The following FGFR3 variants were observed in gnomAD, a reference collection of about 807,000 sequenced individuals.
FGFR3 encodes FGFR-3.
A neutral mutation model predicts 82.9 loss-of-function variants in FGFR3; 25 were observed. The ratio of observed to expected loss-of-function variants is 0.30; its 90% CI spans 0.22 to 0.42. FGFR3 has a LOEUF of 0.42. Ranked by LOEUF, FGFR3 falls within the 10% of genes least tolerant of loss-of-function variation. The pLI, the probability that FGFR3 is intolerant of heterozygous loss-of-function variation, is 1.00. For missense variants in FGFR3, 1,026 were observed against 1,161.0 expected, an observed-to-expected ratio of 0.88 and a Z score of 1.69; for synonymous variants, 620 against 516.0, an observed-to-expected ratio of 1.20 and a Z score of -2.73.
Position 1,801,611 on chromosome 4 carries a change from C to T in FGFR3, c.616-9C>T. ...CTCCGCTCACTCACCCGCCCGCGTC[C>T]CGGTGCAGCTGCGGCATCAGCAGTG... is the stretch of plus-strand genomic sequence containing the variant. On this transcript the variant is annotated splice_polypyrimidine_tract_variant and intron_variant, in intron 5 of 17. Transcript: ENST00000440486. 1.2e-6 allele frequency: 2 copies of T among 1,606,458 alleles called. No homozygotes were observed. Among genetic ancestry groups the T allele is most frequent in the Non-Finnish European group, 1.7e-6 (2 of 1,177,510 alleles).
At chr4:1,797,653 T>C (rs1183326282) in intron 2 of FGFR3, among the ~76,000 whole-genome samples, 4 of 152,112 alleles carry the variant, frequency 2.6e-5, no homozygotes, top group African/African-American at 9.7e-5. Context: ...AGCTCCCAGC[T>C]CTGGGTGGTC....
chr4:1,806,531 C>T lies in FGFR3; in HGVS notation c.2031-15C>T, dbSNP rs1482309759. The T allele has an allele frequency of 1.9e-6, 3 of 1,612,936 alleles. No homozygotes were observed. The highest frequency in any genetic ancestry group is 2.5e-6 in the Non-Finnish European group (3 of 1,179,956). On this transcript the variant is annotated splice_polypyrimidine_tract_variant and intron_variant, in intron 15 of 17. Coordinates refer to ENST00000440486, the MANE Select transcript of FGFR3 (RefSeq NM_000142.5). The stretch of plus-strand genomic sequence containing the variant: ...TGGGAGTCTCAGGACAGCCTGACCT[C>T]ACCTTCCCCTGCAGCTGGTCCTTTG...
intron 2 of FGFR3, among the ~76,000 whole-genome samples, chr4:1,798,501 A>G (rs1264069932): frequency 6.6e-5 from 10 of 151,300 alleles, no homozygotes; most frequent in African/African-American, 2.2e-4. Flanking sequence ...TAGGAGCTGC[A>G]GGATACAGAA....
chr4:1,801,922 AG>A lies in FGFR3; in HGVS notation c.829del (p.Val277CysfsTer17), dbSNP rs748608773. 6.2e-7 allele frequency: 1 copy of A among 1,612,516 alleles called. No individual in the cohort carries two copies. The highest frequency in any genetic ancestry group is 8.5e-7 in the Non-Finnish European group (1 of 1,179,824). On this transcript the variant is annotated frameshift_variant, in exon 7 of 18. Transcript: ENST00000440486. LOFTEE classifies it high-confidence loss of function. Reference sequence around the variant, plus strand: ...GGCAGCGACGTGGAGTTCCACTGCAAGGTGTACAGTGACGCACAGCCCCACA... The same window carrying A: ...GGCAGCGACGTGGAGTTCCACTGCAAGTGTACAGTGACGCACAGCCCCACA... The part of the protein sequence containing the change: ...VLGSDVEFHC[K>X]VYSDAQPHIQ...
chr4:1,805,158 GTC>G (rs1193664404), intron 10 of FGFR3, among the ~76,000 whole-genome samples, 189 bp downstream of exon 10: 1 of 152,276 alleles, frequency 6.6e-6, no homozygotes, highest in Non-Finnish European at 1.5e-5. Flanking sequence ...AAGGTGCCCT[GTC>G]TGGAGGGGCA....
intron 2 of FGFR3, among the ~76,000 whole-genome samples, chr4:1,794,960 T>G (rs1202665909): frequency 6.6e-6 from 1 of 151,540 alleles, no homozygotes; most frequent in Non-Finnish European, 1.5e-5. Flanking sequence ...AGACCGCGCA[T>G]TGATGGCGGC....
At chr4:1,798,694 CAT>C (rs1459486411) in intron 2 of FGFR3, among the ~76,000 whole-genome samples, 1 of 152,122 alleles carries the variant, frequency 6.6e-6, no homozygotes, top group Non-Finnish European at 1.5e-5. Flanking sequence ...TTTTCAGGCT[CAT>C]ATGGGGTGCG....
intron 7 of FGFR3, among the ~76,000 whole-genome samples, chr4:1,803,307 C>T (rs552598438): frequency 1.1e-4 from 16 of 152,244 alleles, no homozygotes; most frequent in African/African-American, 2.2e-4. Context: ...CGGTGCCCAC[C>T]GGGCCGGCTC....
At position 1,799,234 on chromosome 4, in the gene FGFR3, GT is replaced by G; in HGVS notation, c.110-18del. On this transcript the variant is annotated intron_variant, in intron 2 of 17. Coordinates refer to ENST00000440486, the MANE Select transcript of FGFR3 (RefSeq NM_000142.5). ...CGGGTTTGGGGGTGCCTGCCTCATG[GT>G]TGCCCATCTTCCCCACAGAAGTCCC... 1 of 1,611,880 alleles carries G rather than the reference GT, an allele frequency of 6.2e-7. No homozygotes were observed. The highest frequency in any genetic ancestry group is 1.1e-5 in the South Asian group (1 of 91,036).
At chr4:1,805,993 C>G (rs1721863102) in intron 13 of FGFR3, 53 bp downstream of exon 13, 2 of 1,610,912 alleles carry the variant, frequency 1.2e-6, no homozygotes, top group Non-Finnish European at 1.7e-6. Flanking sequence ...CCCTGAGATG[C>G]TGGGAGCAGC....
intron 2 of FGFR3, among the ~76,000 whole-genome samples, chr4:1,795,276 G>T (rs1323123499): frequency 6.6e-6 from 1 of 152,082 alleles, no homozygotes; most frequent in South Asian, 2.1e-4. Context: ...CTTGGCTTTC[G>T]CATTCTCATT....
chr4:1,803,129 C>T (rs1326121144), intron 7 of FGFR3: 2 of 1,435,114 alleles, frequency 1.4e-6, no homozygotes, highest in Non-Finnish European at 1.8e-6. Context: ...GCCGCGCGCC[C>T]TGCACGCCCC....
At chr4:1,800,610 A>G (rs1299503963) in intron 4 of FGFR3, among the ~76,000 whole-genome samples, 1 of 152,098 alleles carries the variant, frequency 6.6e-6, no homozygotes, top group African/African-American at 2.4e-5. Flanking sequence ...GCCTCTTTCC[A>G]GCCTGTGTCC....
At position 1,807,412 on chromosome 4, in the gene FGFR3, T is replaced by C. The variant is rs1326104796; in HGVS notation, c.*150T>C. On this transcript the variant is annotated 3_prime_UTR_variant, in exon 18 of 18. Transcript: ENST00000440486. ...GTGTGTGTGTGTGCGTGTGTGTGTG[T>C]GTGTGTGCACATCCGCGTGTGCCTG... 8.5e-6 allele frequency: 10 copies of C among 1,169,622 alleles called. No homozygotes were observed. Among genetic ancestry groups the C allele is most frequent in the Admixed American group, 4.0e-5 (2 of 50,564 alleles). 72.5% of individuals were successfully genotyped at this position (1,169,622 alleles called of 1,614,324 possible). A position where few individuals can be genotyped will look rare whatever the true frequency, so the allele number is the denominator to read the frequency against.
chr4:1,801,558 T>C, intron 5 of FGFR3, 22 bp downstream of exon 5: 1 of 1,577,852 alleles, frequency 6.3e-7, no homozygotes, highest in Non-Finnish European at 8.6e-7. Flanking sequence ...GGGGTGGCTC[T>C]GGGCCTGGCA....
rs747163554 is a variant in FGFR3, at chr4:1,807,676, A to G, written c.*414A>G. On this transcript the variant is annotated 3_prime_UTR_variant, in exon 18 of 18. Coordinates refer to ENST00000440486, the MANE Select transcript of FGFR3 (RefSeq NM_000142.5). ...CAGGGTGGGCCTCGGCCCCTCCCAC[A>G]CCCAAAGCTGAGCCTGCAGGGAAGC... is the stretch of plus-strand genomic sequence containing the variant. The G allele has an allele frequency of 3.2e-6, 2 of 621,228 alleles. No homozygotes were observed. The highest frequency in any genetic ancestry group is 3.5e-5 in the African/African-American group (2 of 56,600). 38.5% of individuals were successfully genotyped at this position (621,228 alleles called of 1,614,324 possible).
chr4:1,793,594 C>A lies in FGFR3; in HGVS notation c.-103+129C>A, dbSNP rs4450996. On this transcript the variant is annotated intron_variant, in intron 1 of 17. Coordinates refer to ENST00000440486, the MANE Select transcript of FGFR3 (RefSeq NM_000142.5). ...GGGCCGGGGCGCGGGCTTCCCGCTC[C>A]GGAAAGTTTGCCGCCGCCGCCGCCC... 88,505 of 149,608 alleles carry A rather than the reference C, an allele frequency of 0.59. 28,944 individuals carry two copies. Among genetic ancestry groups the A allele is most frequent in the East Asian group, 0.88 (4,457 of 5,054 alleles). 9.3% of individuals were successfully genotyped at this position (149,608 alleles called of 1,614,324 possible). A position where few individuals can be genotyped will look rare whatever the true frequency, so the allele number is the denominator to read the frequency against.
rs2108797244 is a variant in FGFR3 at position 1,804,405 on chromosome 4, T to C, written c.1151T>C (p.Phe384Ser). ...AGILSYGVGF[F>S]LFILVVAAVT... is the part of the protein sequence containing the mutation. ...ATCCTCAGCTACGGGGTGGGCTTCT[T>C]CCTGTTCATCCTGGTGGTGGCGGCT... The change falls in exon 9 of 18, where the codon TTC (phenylalanine) becomes TCC (serine). Residue 384 changes from phenylalanine (F) to serine (S), a missense_variant. This residue lies in a region of FGFR3 where 256 missense variants were observed against 217.6 expected (regional missense o/e 1.18). Transcript: ENST00000440486. 6.2e-7 allele frequency: 1 copy of C among 1,613,186 alleles called. No homozygotes were observed. The highest frequency in any genetic ancestry group is 8.5e-7 in the Non-Finnish European group (1 of 1,179,694).
In FGFR3 at chr4:1,807,412, T is replaced by A; in HGVS notation, c.*150T>A. The A allele has an allele frequency of 8.5e-7, 1 of 1,169,624 alleles. No individual in the cohort carries two copies. The highest frequency in any genetic ancestry group is 1.2e-6 in the Non-Finnish European group (1 of 814,320). The allele number at this position is 1,169,624 out of a possible 1,614,324, so 72.5% of individuals were successfully genotyped here. A position where few individuals can be genotyped will look rare whatever the true frequency, so the allele number is the denominator to read the frequency against. On this transcript the variant is annotated 3_prime_UTR_variant, in exon 18 of 18. Coordinates refer to ENST00000440486, the MANE Select transcript of FGFR3 (RefSeq NM_000142.5). ...GTGTGTGTGTGTGCGTGTGTGTGTG[T>A]GTGTGTGCACATCCGCGTGTGCCTG...
Sources: allele counts gnomAD v4.1 joint callset (sites outside exome capture counted in the v4.1 genomes callset), GRCh38; gene constraint gnomAD v4.1.1; regional missense constraint gnomAD v4.1.1; transcripts MANE v1.5; gene names NCBI Gene and HGNC (gene_info 2026-07-23, HGNC 2026-07-21).